The following OLA1 variants were observed in gnomAD, a reference collection of about 807,000 sequenced individuals.
OLA1 encodes Obg like ATPase 1, also known as obg-like ATPase 1.
In OLA1, 14 loss-of-function variants were observed where a neutral mutation model predicts 48.4. That is an observed-to-expected ratio of 0.29 (90% CI 0.19 to 0.45). The LOEUF (loss-of-function observed/expected upper bound fraction) is 0.45, where lower values mean the gene tolerates loss of function less well. OLA1 is among the 20% of genes least tolerant of loss of function. OLA1 has a pLI of 1.00. For synonymous variants in OLA1, 127 were observed against 150.4 expected (o/e 0.84, Z 1.14); for missense variants, 325 against 467.1 (o/e 0.70, Z 2.80).
intron 4 of OLA1, among the ~76,000 whole-genome samples, chr2:174,182,219 A>C (rs73035750): frequency 0.027 from 4,073 of 152,256 alleles, 169 homozygotes; most frequent in African/African-American, 0.091. Flanking sequence ...TATGCAATTT[A>C]ATTTCTTTTT....
rs77582372 is a variant in OLA1, at chr2:174,133,555, T to C, written c.549+8270A>G. On this transcript the variant is annotated intron_variant, in intron 5 of 10. Transcript: ENST00000284719. ...TTTGTATTTTTAGTAGAGACAGGGT[T>C]ATGCCATGTTGTTTTCTTGGCCTCA... Among the ~76,000 whole-genome samples, 1,190 of 152,250 alleles carry C rather than the reference T, an allele frequency of 7.8e-3. 17 individuals carry two copies. The highest frequency in any genetic ancestry group is 0.027 in the African/African-American group (1,121 of 41,516).
intron 4 of OLA1, among the ~76,000 whole-genome samples, chr2:174,217,062 A>C (rs1412339347): frequency 6.6e-6 from 1 of 152,170 alleles, no homozygotes; most frequent in Non-Finnish European, 1.5e-5. Flanking sequence ...CAGTATGTTC[A>C]AGGGTCAACT....
chr2:174,234,828 G>A (rs944153678), intron 2 of OLA1, among the ~76,000 whole-genome samples: 1 of 152,044 alleles, frequency 6.6e-6, no homozygotes, highest in African/African-American at 2.4e-5. Flanking sequence ...CAGCAATACA[G>A]ACTAGATTAG....
chr2:174,107,585 G>C (rs1685545534), intron 7 of OLA1, among the ~76,000 whole-genome samples: 1 of 152,020 alleles, frequency 6.6e-6, no homozygotes, highest in African/African-American at 2.4e-5. Flanking sequence ...CAAATTAATA[G>C]TATAAATTTT....
At position 174,081,292 on chromosome 2, in the gene OLA1, G is replaced by A. The variant is rs1684848536; in HGVS notation, c.870-44C>T. On this transcript the variant is annotated intron_variant, in intron 8 of 10. Coordinates refer to ENST00000284719, the MANE Select transcript of OLA1 (RefSeq NM_013341.5). Reference sequence around the variant, plus strand: ...AATTCACCCAACACATAAGTTGATTGTGCCAGAAATTGGTATAGAGCTAAA... The same window carrying A: ...AATTCACCCAACACATAAGTTGATTATGCCAGAAATTGGTATAGAGCTAAA... 2.7e-6 allele frequency: 4 copies of A among 1,472,432 alleles called. No homozygotes were observed. The South Asian group carries it at 4.6e-5, about 17-fold the overall frequency. 91.2% of individuals were successfully genotyped at this position (1,472,432 alleles called of 1,614,324 possible).
chr2:174,140,381 T>A (rs994655493), intron 5 of OLA1, among the ~76,000 whole-genome samples: 3 of 150,466 alleles, frequency 2.0e-5, no homozygotes, highest in Non-Finnish European at 4.5e-5. Flanking sequence ...TTTTTTTTTT[T>A]AATTGAGACC....
rs1334966003 is a variant in OLA1 at position 174,091,909 on chromosome 2, C to T, written c.729-9845G>A. ...AAAAAAAAAAAAAAAAAAAAAAAAG[C>T]CTCTCCCTTCTCATTTTCTGCCAAT... On this transcript the variant is annotated intron_variant, in intron 7 of 10. Coordinates refer to ENST00000284719, the MANE Select transcript of OLA1 (RefSeq NM_013341.5). 9.4e-5 allele frequency among the ~76,000 whole-genome samples: 7 copies of T among 74,568 alleles called. No individual in the cohort carries two copies. The Admixed American group carries it at 9.8e-4, about 10-fold the overall frequency. 48.9% of individuals were successfully genotyped at this position (74,568 alleles called of 152,430 possible). A position where few individuals can be genotyped will look rare whatever the true frequency, so the allele number is the denominator to read the frequency against.
intron 2 of OLA1, among the ~76,000 whole-genome samples, chr2:174,243,068 G>C (rs1437382179): frequency 6.6e-6 from 1 of 152,054 alleles, no homozygotes; most frequent in Non-Finnish European, 1.5e-5. Context: ...GAGTGCAGTG[G>C]CGCGATCTCA....
chr2:174,166,289 A>G (rs752125385), intron 4 of OLA1, among the ~76,000 whole-genome samples: 3 of 152,192 alleles, frequency 2.0e-5, no homozygotes, highest in Non-Finnish European at 2.9e-5. Flanking sequence ...ACCAAAATTT[A>G]CCACCTGCAG....
chr2:174,198,131 T>C (rs1687919117), intron 4 of OLA1, among the ~76,000 whole-genome samples: 1 of 152,010 alleles, frequency 6.6e-6, no homozygotes, highest in Non-Finnish European at 1.5e-5. Flanking sequence ...TCCAGCTAAT[T>C]TTTATATTTT....
chr2:174,194,010 A>C (rs1687831864), intron 4 of OLA1, among the ~76,000 whole-genome samples: 1 of 152,074 alleles, frequency 6.6e-6, no homozygotes, highest in Non-Finnish European at 1.5e-5. Context: ...ACGTGCACGC[A>C]CTTTCCTCTC....
chr2:174,123,462 C>T, intron 6 of OLA1, 133 bp downstream of exon 6: 1 of 624,736 alleles, frequency 1.6e-6, no homozygotes, highest in African/African-American at 1.9e-5. Context: ...AATAACAAGC[C>T]CAGGAATAAG....
chr2:174,081,081 A>G (rs762522756), intron 9 of OLA1, 71 bp downstream of exon 9: 54 of 1,307,960 alleles, frequency 4.1e-5, no homozygotes, highest in Non-Finnish European at 5.6e-5. Flanking sequence ...ACAAACTTCA[A>G]AGTCAGTGAT....
intron 9 of OLA1, among the ~76,000 whole-genome samples, chr2:174,080,483 C>T (rs1684832425): frequency 6.6e-6 from 1 of 151,900 alleles, no homozygotes; most frequent in Non-Finnish European, 1.5e-5. Context: ...AAAAGCAAAC[C>T]ATTACAGTTC....
At chr2:174,107,320 A>G (rs1685537384) in intron 7 of OLA1, among the ~76,000 whole-genome samples, 1 of 152,150 alleles carries the variant, frequency 6.6e-6, no homozygotes, top group Non-Finnish European at 1.5e-5. Flanking sequence ...ATGGACGTCC[A>G]CGCTCTATTA....
intron 4 of OLA1, among the ~76,000 whole-genome samples, chr2:174,174,231 G>A (rs961396259): frequency 6.6e-6 from 1 of 151,874 alleles, no homozygotes. Context: ...TACAAGAAAA[G>A]AAAACCACAG....
chr2:174,121,521 TC>T (rs1192250811), intron 7 of OLA1, among the ~76,000 whole-genome samples: 1 of 140,770 alleles, frequency 7.1e-6, no homozygotes, highest in East Asian at 2.4e-4. Context: ...CTCCCAACCC[TC>T]CCCCCAAGAC....
Position 174,075,254 on chromosome 2 carries a change from G to GGA in OLA1, c.*171_*172insTC, listed in dbSNP as rs556343057. On this transcript the variant is annotated 3_prime_UTR_variant, in exon 11 of 11. Coordinates refer to ENST00000284719, the MANE Select transcript of OLA1 (RefSeq NM_013341.5). ...CACATTTAGTGAACCTGCATTTCAT[G>GGA]GGGGGGGGGGGGTACACAGTATTTT... 5,774 of 159,956 alleles carry GGA rather than the reference G, an allele frequency of 0.036. 64 individuals are homozygous for GGA. Among genetic ancestry groups the GGA allele is most frequent in the South Asian group, 0.1 (1,535 of 14,844 alleles). 9.9% of individuals were successfully genotyped at this position (159,956 alleles called of 1,614,324 possible). A position where few individuals can be genotyped will look rare whatever the true frequency, so the allele number is the denominator to read the frequency against.
intron 4 of OLA1, among the ~76,000 whole-genome samples, chr2:174,156,407 T>G (rs376028736): frequency 7.9e-5 from 12 of 152,282 alleles, no homozygotes; most frequent in African/African-American, 2.9e-4. Context: ...TGCTATGTAG[T>G]AACCAAAAGA....
Sources: gnomAD v4.1 joint callset for allele counts (sites outside exome capture counted in the v4.1 genomes callset) on GRCh38, gnomAD v4.1.1 for gene constraint, MANE v1.5 for transcripts, NCBI Gene and HGNC (gene_info 2026-07-23, HGNC 2026-07-21) for gene names.